The following PLB1 variants were observed in gnomAD, a reference collection of about 807,000 sequenced individuals.
PLB1 encodes phospholipase B1, membrane-associated.
In PLB1, 242 loss-of-function variants were observed where a neutral mutation model predicts 227.4. That is an observed-to-expected ratio of 1.06 (90% CI 0.96 to 1.18). The LOEUF (loss-of-function observed/expected upper bound fraction) is 1.18. Ranked by LOEUF, PLB1 falls within the 50% of genes most tolerant of loss-of-function variation. PLB1 has a pLI of 0.00. For synonymous variants in PLB1, 757 were observed against 682.2 expected (o/e 1.11, Z -1.71); for missense variants, 1,858 against 1,816.3 (o/e 1.02, Z -0.42).
intron 49 of PLB1, among the ~76,000 whole-genome samples, chr2:28,624,065 T>G (rs1215431401): frequency 3.3e-5 from 5 of 152,038 alleles, no homozygotes; most frequent in Admixed American, 2.0e-4. Context: ...ACCACTACAC[T>G]CCAGCCTGGG....
At chr2:28,638,580 AGAG>A (rs1206478673) in intron 56 of PLB1, among the ~76,000 whole-genome samples, 2 of 152,098 alleles carry the variant, frequency 1.3e-5, no homozygotes, top group Admixed American at 6.5e-5. Context: ...GGGTCAGGGC[AGAG>A]GAGGAGAGAC....
At chr2:28,553,059 C>T in intron 17 of PLB1, 68 bp downstream of exon 17, 1 of 1,360,422 alleles carries the variant, frequency 7.4e-7, no homozygotes, top group Non-Finnish European at 1.1e-6. Flanking sequence ...TAAGGGCTTT[C>T]CACATAACCT....
chr2:28,535,327 A>G (rs1671540396), intron 9 of PLB1, among the ~76,000 whole-genome samples: 1 of 152,132 alleles, frequency 6.6e-6, no homozygotes, highest in African/African-American at 2.4e-5. Flanking sequence ...TTCCTATTGC[A>G]CAAAAACCAC....
chr2:28,538,062 T>A (rs924039217), intron 9 of PLB1, among the ~76,000 whole-genome samples: 3 of 152,228 alleles, frequency 2.0e-5, no homozygotes, highest in African/African-American at 7.2e-5. Context: ...GTTTGCCCTT[T>A]CCTGATGGAA....
At chr2:28,529,694 G>A (rs767621840) in intron 7 of PLB1, 34 bp from the exon 8 acceptor site, 4 of 1,607,698 alleles carry the variant, frequency 2.5e-6, no homozygotes, top group Non-Finnish European at 3.4e-6. Context: ...ATAATATTTA[G>A]CCAATTTTTC....
intron 16 of PLB1, among the ~76,000 whole-genome samples, chr2:28,550,582 C>T (rs1674083887): frequency 6.7e-6 from 1 of 148,606 alleles, no homozygotes; most frequent in Non-Finnish European, 1.5e-5. Context: ...GCTATGTCAT[C>T]CAGGCTGGAG....
At chr2:28,539,003 A>T in intron 10 of PLB1, 96 bp from the exon 11 acceptor site, 1 of 969,454 alleles carries the variant, frequency 1.0e-6, no homozygotes, top group South Asian at 1.3e-5. Context: ...ATCACACTCA[A>T]CCACACCCCA....
rs139146700 is a variant in PLB1 at position 28,545,986 on chromosome 2, C to T, written c.936+2718C>T. ...CCCACAAAGCCACATACCCAGACCA[C>T]GTCAGCATCCTCCCTCCCTCCCTCA... is the stretch of plus-strand genomic sequence containing the variant. On this transcript the variant is annotated intron_variant, in intron 14 of 57. Coordinates refer to ENST00000327757, the MANE Select transcript of PLB1 (RefSeq NM_153021.5). 1.1e-4 allele frequency among the ~76,000 whole-genome samples: 17 copies of T among 152,274 alleles called. No homozygotes were observed. In the East Asian group the frequency reaches 2.5e-3, roughly 22 times the overall value.
chr2:28,588,667 A>G (rs1390108681), intron 26 of PLB1, among the ~76,000 whole-genome samples: 4 of 152,216 alleles, frequency 2.6e-5, no homozygotes, highest in African/African-American at 7.2e-5. Context: ...AGTGACCCCA[A>G]GCAAAAGCTG....
intron 15 of PLB1, among the ~76,000 whole-genome samples, 177 bp from the exon 16 acceptor site, chr2:28,549,833 C>T (rs565363922): frequency 3.2e-4 from 49 of 152,266 alleles, no homozygotes; most frequent in Non-Finnish European, 5.0e-4. Context: ...GAAATGTCAA[C>T]GCATTCATGA....
chr2:28,605,826 T>C lies in PLB1; in HGVS notation c.2962-27T>C, dbSNP rs777977107. 1.2e-5 allele frequency: 19 copies of C among 1,566,836 alleles called. No individual in the cohort carries two copies. In the African/African-American group the frequency reaches 2.4e-4, roughly 20 times the overall value. ...TGGCTCCCTCTGAACCAATAGGATCTTGAGGGGGTATATTGGTCTCTTTCA... is the reference window on the plus strand; with the variant it reads ...TGGCTCCCTCTGAACCAATAGGATCCTGAGGGGGTATATTGGTCTCTTTCA... On this transcript the variant is annotated intron_variant, in intron 41 of 57. Coordinates refer to ENST00000327757, the MANE Select transcript of PLB1 (RefSeq NM_153021.5).
At chr2:28,597,751 A>G (rs1683198976) in intron 33 of PLB1, among the ~76,000 whole-genome samples, 1 of 152,210 alleles carries the variant, frequency 6.6e-6, no homozygotes, top group Non-Finnish European at 1.5e-5. Flanking sequence ...GTATATACTC[A>G]GCTAAGCATT....
chr2:28,522,424 T>C (rs901834392), intron 4 of PLB1, among the ~76,000 whole-genome samples: 2 of 152,024 alleles, frequency 1.3e-5, no homozygotes, highest in African/African-American at 2.4e-5. Flanking sequence ...TTACCCTTGA[T>C]AAGAGGTGAA....
intron 8 of PLB1, among the ~76,000 whole-genome samples, chr2:28,531,722 T>G (rs1254548938): frequency 6.6e-6 from 1 of 152,242 alleles, no homozygotes; most frequent in African/African-American, 2.4e-5. Flanking sequence ...TCATGAGTAT[T>G]CCACAGTTTA....
intron 56 of PLB1, among the ~76,000 whole-genome samples, chr2:28,637,299 TAAAAAAA>T (rs34972015): frequency 7.6e-6 from 1 of 131,160 alleles, no homozygotes; most frequent in Non-Finnish European, 1.7e-5. Flanking sequence ...GTCTCAAATT[TAAAAAAA>T]AAAAAAAAAA....
At chr2:28,537,337 C>T (rs1416142938) in intron 9 of PLB1, among the ~76,000 whole-genome samples, 1 of 152,100 alleles carries the variant, frequency 6.6e-6, no homozygotes, top group South Asian at 2.1e-4. Context: ...AGCCAGTCTG[C>T]TGTTTGTTAG....
At chr2:28,563,730 G>C (rs1394432182) in intron 18 of PLB1, among the ~76,000 whole-genome samples, 1 of 152,086 alleles carries the variant, frequency 6.6e-6, no homozygotes, top group Non-Finnish European at 1.5e-5. Flanking sequence ...TGGGGGCTGG[G>C]AGTCCCAGAG....
intron 56 of PLB1, 67 bp downstream of exon 56, chr2:28,633,106 C>CA (rs1197413351): frequency 3.6e-6 from 5 of 1,381,286 alleles, no homozygotes; most frequent in Non-Finnish European, 5.1e-6. Flanking sequence ...CTCTGTCTCA[C>CA]AATGGCAAAA....
At chr2:28,594,263 A>G (rs1456077941) in intron 33 of PLB1, 5 of 276,316 alleles carry the variant, frequency 1.8e-5, no homozygotes, top group African/African-American at 1.1e-4. Context: ...GTCTTGAAAG[A>G]TTAGCAATTC....
Sources: allele counts gnomAD v4.1 joint callset (sites outside exome capture counted in the v4.1 genomes callset), GRCh38; gene constraint gnomAD v4.1.1; transcripts MANE v1.5; gene names NCBI Gene and HGNC (gene_info 2026-07-23, HGNC 2026-07-21).